The following CSMD1 variants were observed in gnomAD, a reference collection of about 807,000 sequenced individuals.
CSMD1 encodes the protein CUB and sushi domain-containing protein 1.
Under a neutral mutation model 417.5 loss-of-function variants are expected in CSMD1, and 213 were observed. The ratio of observed to expected loss-of-function variants is 0.51; its 90% CI spans 0.46 to 0.57. CSMD1 has a LOEUF of 0.57. CSMD1 is among the 20% of genes least tolerant of loss of function. CSMD1 has a pLI of 0.00. For missense variants in CSMD1, 6,923 were observed against 4,529.7 expected (o/e 1.53, Z -15.17); for synonymous variants, 2,862 against 1,736.8 (o/e 1.65, Z -16.11).
chr8:4,385,236 A>G (rs1161532950), intron 3 of CSMD1, among the ~76,000 whole-genome samples: 6 of 152,212 alleles, frequency 3.9e-5, no homozygotes, highest in African/African-American at 1.4e-4. Context: ...CCACATTAAA[A>G]AAGTTCTTAA....
At chr8:3,474,217 T>A (rs996357419) in intron 11 of CSMD1, among the ~76,000 whole-genome samples, 12 of 152,152 alleles carry the variant, frequency 7.9e-5, no homozygotes, top group Non-Finnish European at 1.6e-4. Context: ...CATTAGCTAA[T>A]GAGCTGGTTG....
At chr8:4,282,722 C>A (rs1007946693) in intron 3 of CSMD1, among the ~76,000 whole-genome samples, 4 of 152,088 alleles carry the variant, frequency 2.6e-5, no homozygotes, top group East Asian at 1.9e-4. Context: ...ATAATCGGAA[C>A]AATTTTAATT....
At chr8:4,430,118 A>G (rs4478597) in intron 2 of CSMD1, among the ~76,000 whole-genome samples, 63,410 of 151,980 alleles carry the variant, frequency 0.42, 13,418 homozygotes, top group Middle Eastern at 0.49. Context: ...TTATAAATAA[A>G]GCTAAATGTG....
chr8:4,771,871 C>A (rs546588974), intron 1 of CSMD1, among the ~76,000 whole-genome samples: 1 of 152,170 alleles, frequency 6.6e-6, no homozygotes, highest in Non-Finnish European at 1.5e-5. Context: ...AGTCTGTGCT[C>A]AAAGCGGTGG....
At chr8:4,850,773 C>A (rs938827878) in intron 1 of CSMD1, among the ~76,000 whole-genome samples, 1 of 152,042 alleles carries the variant, frequency 6.6e-6, no homozygotes, top group Non-Finnish European at 1.5e-5. Context: ...AACCCCAAAC[C>A]TAGTGGCTTG....
intron 3 of CSMD1, among the ~76,000 whole-genome samples, chr8:4,228,809 A>T (rs1801524464): frequency 6.6e-6 from 1 of 151,840 alleles, no homozygotes; most frequent in Admixed American, 6.6e-5. Flanking sequence ...TCTGCATCCC[A>T]AGTAGCTGGG....
intron 7 of CSMD1, among the ~76,000 whole-genome samples, chr8:3,647,762 G>C (rs564224761): frequency 6.6e-6 from 1 of 152,310 alleles, no homozygotes; most frequent in South Asian, 2.1e-4. Context: ...GAGTGAGACA[G>C]AGAGAAAGAG....
chr8:4,318,053 C>T (rs887652805), intron 3 of CSMD1, among the ~76,000 whole-genome samples: 15 of 152,032 alleles, frequency 9.9e-5, no homozygotes, highest in South Asian at 2.1e-4. Context: ...ATTGTGCGTT[C>T]GTTTTTTCTC....
intron 42 of CSMD1, among the ~76,000 whole-genome samples, chr8:3,114,972 T>A (rs1222326252): frequency 6.6e-6 from 1 of 152,164 alleles, no homozygotes; most frequent in East Asian, 1.9e-4. Flanking sequence ...CACATACTAA[T>A]GCATTTAAGT....
chr8:3,918,946 G>A (rs1389106229), intron 5 of CSMD1, among the ~76,000 whole-genome samples: 2 of 151,930 alleles, frequency 1.3e-5, no homozygotes, highest in Admixed American at 1.3e-4. Flanking sequence ...CTCGGGTGAT[G>A]GGTACATCAA....
intron 3 of CSMD1, among the ~76,000 whole-genome samples, chr8:4,164,307 T>TC (rs1797332699): frequency 6.6e-6 from 1 of 152,060 alleles, no homozygotes; most frequent in African/African-American, 2.4e-5. Flanking sequence ...AAATATAGAA[T>TC]CCATCTACAT....
intron 10 of CSMD1, among the ~76,000 whole-genome samples, chr8:3,513,259 T>G (rs1797153243): frequency 6.6e-6 from 1 of 152,104 alleles, no homozygotes; most frequent in Non-Finnish European, 1.5e-5. Flanking sequence ...ATTTGGAAAT[T>G]ATTTTGTTTT....
chr8:3,518,798 G>C (rs951816824), intron 10 of CSMD1, among the ~76,000 whole-genome samples: 1 of 152,062 alleles, frequency 6.6e-6, no homozygotes, highest in Non-Finnish European at 1.5e-5. Context: ...GATGGAACTA[G>C]ACACCATGCA....
intron 2 of CSMD1, among the ~76,000 whole-genome samples, chr8:4,571,135 T>C (rs1455755621): frequency 6.6e-6 from 1 of 152,198 alleles, no homozygotes; most frequent in African/African-American, 2.4e-5. Flanking sequence ...TTCATGTCTC[T>C]ATCTCCTTCA....
intron 49 of CSMD1, among the ~76,000 whole-genome samples, chr8:3,076,451 C>T (rs2129001113): frequency 1.2e-5 from 1 of 80,396 alleles, no homozygotes; most frequent in South Asian, 2.8e-4. Flanking sequence ...CTCTAACGTA[C>T]TTTTTTTGAG....
At chr8:3,937,932 T>C (rs1026268517) in intron 5 of CSMD1, among the ~76,000 whole-genome samples, 1 of 152,174 alleles carries the variant, frequency 6.6e-6, no homozygotes, top group Admixed American at 6.6e-5. Context: ...ACCTCAGTTC[T>C]AATGTTTAGT....
chr8:2,949,429 G>A (rs751155197), intron 67 of CSMD1, 43 bp from the exon 68 acceptor site: 7 of 497,244 alleles, frequency 1.4e-5, no homozygotes, highest in East Asian at 5.0e-5. Context: ...AAAGGTATAC[G>A]AAGGGATGAA....
At chr8:4,690,830 G>C (rs958622734) in intron 1 of CSMD1, among the ~76,000 whole-genome samples, 1 of 152,168 alleles carries the variant, frequency 6.6e-6, no homozygotes, top group Non-Finnish European at 1.5e-5. Context: ...CCGGGTTCAA[G>C]CAATTCTGCT....
At chr8:3,997,386 T>C (rs983071318) in intron 5 of CSMD1, among the ~76,000 whole-genome samples, 3 of 151,954 alleles carry the variant, frequency 2.0e-5, no homozygotes, top group East Asian at 3.9e-4. Flanking sequence ...TTTATACATA[T>C]AGTGGACTAA....
Sources: allele counts gnomAD v4.1 joint callset (sites outside exome capture counted in the v4.1 genomes callset), GRCh38; gene constraint gnomAD v4.1.1; transcripts MANE v1.5; gene names NCBI Gene and HGNC (gene_info 2026-07-23, HGNC 2026-07-21).